The following ROR1 variants were observed in gnomAD, a reference collection of about 807,000 sequenced individuals.
ROR1 encodes the protein inactive tyrosine-protein kinase transmembrane receptor ROR1.
In ROR1, 19 loss-of-function variants were observed where a neutral mutation model predicts 78.8. That is an observed-to-expected ratio of 0.24 (90% CI 0.17 to 0.35). The LOEUF is 0.35. ROR1 is among the 10% of genes least tolerant of loss of function. The probability of loss-of-function intolerance (pLI) is 1.00; values close to 1 mark genes in which losing one functional copy is unlikely to be tolerated. For missense variants in ROR1, 917 were observed against 1,177.8 expected (o/e 0.78, Z 3.24); for synonymous variants, 386 against 433.6 (o/e 0.89, Z 1.36).
In ROR1 at chr1:64,159,083, G is replaced by A; in HGVS notation, c.1277G>A (p.Cys426Tyr). The A allele has an allele frequency of 6.2e-7, 1 of 1,614,100 alleles. No individual in the cohort carries two copies. The highest frequency in any genetic ancestry group is 8.5e-7 in the Non-Finnish European group (1 of 1,180,010). ...LAIALLFFFICVCRNNQKSSS... is the reference protein window; with the variant it reads ...LAIALLFFFIYVCRNNQKSSS... ...ATTGCTTTACTCTTCTTCTTCATTT[G>A]CGTCTGTCGGAATAACCAGAAGTCA... The change falls in exon 8 of 9, where the codon TGC (cysteine) becomes TAC (tyrosine). Residue 426 changes from cysteine (C) to tyrosine (Y), a missense_variant. By Grantham distance (194) the Cys-to-Tyr change is radical. Transcript: ENST00000371079.
At chr1:63,887,589 G>A (rs764721197) in intron 1 of ROR1, among the ~76,000 whole-genome samples, 6 of 152,098 alleles carry the variant, frequency 3.9e-5, no homozygotes, top group Non-Finnish European at 8.8e-5. Context: ...CTACCCAGAG[G>A]CAATCACTTT....
At chr1:64,054,841 G>T (rs1646861548) in intron 4 of ROR1, among the ~76,000 whole-genome samples, 1 of 152,042 alleles carries the variant, frequency 6.6e-6, no homozygotes, top group Admixed American at 6.6e-5. Context: ...GTGTTCATGG[G>T]GTTGGTTCTT....
chr1:64,078,088 G>A (rs1447303830), intron 4 of ROR1, among the ~76,000 whole-genome samples: 3 of 152,160 alleles, frequency 2.0e-5, no homozygotes, highest in East Asian at 1.9e-4. Flanking sequence ...TACATAAGGG[G>A]CCAATAATAA....
At chr1:64,080,367 GC>G (rs1647091152) in intron 4 of ROR1, among the ~76,000 whole-genome samples, 1 of 152,078 alleles carries the variant, frequency 6.6e-6, no homozygotes, top group Non-Finnish European at 1.5e-5. Flanking sequence ...CAAAGAATCA[GC>G]CAGCCCAAAA....
chr1:64,157,823 A>G (rs545505007), intron 7 of ROR1, among the ~76,000 whole-genome samples: 29 of 152,360 alleles, frequency 1.9e-4, no homozygotes, highest in African/African-American at 6.5e-4. Context: ...AGTACCTACA[A>G]TAGTGCCTGA....
At chr1:63,925,849 T>G (rs905181525) in intron 1 of ROR1, among the ~76,000 whole-genome samples, 1 of 151,638 alleles carries the variant, frequency 6.6e-6, no homozygotes, top group Non-Finnish European at 1.5e-5. Flanking sequence ...TCGCCCACTT[T>G]TTGATGGGGT....
At chr1:63,911,222 G>A (rs1209719242) in intron 1 of ROR1, among the ~76,000 whole-genome samples, 1 of 152,112 alleles carries the variant, frequency 6.6e-6, no homozygotes. Flanking sequence ...CATTTCTGTG[G>A]TGTGGCCTAA....
intron 1 of ROR1, among the ~76,000 whole-genome samples, chr1:63,811,514 C>T (rs901168782): frequency 6.6e-6 from 1 of 152,204 alleles, no homozygotes. Flanking sequence ...ATGTTGCAAG[C>T]TTCTGTGGGC....
intron 1 of ROR1, among the ~76,000 whole-genome samples, chr1:63,862,391 CAAAAAAAAAAAAAA>C (rs1164915396): frequency 1.8e-5 from 1 of 56,822 alleles, no homozygotes; most frequent in Non-Finnish European, 3.6e-5. Context: ...GAGACTGTCT[CAAAAAAAAAAAAAA>C]AAAAAAAAAG....
rs142373660 is a variant in ROR1 at position 63,919,214 on chromosome 1, C to T, written c.92-90091C>T. Reference sequence around the variant, plus strand: ...TGGGAAGGAGTGCATTATATTGACACATTGAGAAAAAAATTCCTTTTTGTT... The same window carrying T: ...TGGGAAGGAGTGCATTATATTGACATATTGAGAAAAAAATTCCTTTTTGTT... On this transcript the variant is annotated intron_variant, in intron 1 of 8. Transcript: ENST00000371079. Among the ~76,000 whole-genome samples, 763 of 152,166 alleles carry T rather than the reference C, an allele frequency of 5.0e-3. 11 individuals carry two copies. Among genetic ancestry groups the T allele is most frequent in the African/African-American group, 0.018 (737 of 41,532 alleles).
At chr1:64,094,935 C>CCTACTGA (rs1406581023) in intron 4 of ROR1, 1 of 152,198 alleles carries the variant, frequency 6.6e-6, no homozygotes, top group Non-Finnish European at 1.5e-5. Context: ...ACCAAACAAT[C>CCTACTGA]CTACTGACTA....
intron 1 of ROR1, among the ~76,000 whole-genome samples, chr1:63,919,777 G>C (rs117261903): frequency 6.6e-6 from 1 of 152,134 alleles, no homozygotes; most frequent in Non-Finnish European, 1.5e-5. Context: ...ATTTAGCACA[G>C]CTGTCAGCAC....
chr1:64,140,714 T>C (rs114627991), intron 6 of ROR1, among the ~76,000 whole-genome samples: 5 of 152,246 alleles, frequency 3.3e-5, no homozygotes, highest in African/African-American at 1.2e-4. Context: ...TCAAAAGAAC[T>C]GAAAACAGAT....
intron 1 of ROR1, among the ~76,000 whole-genome samples, chr1:63,915,199 T>C (rs1645599899): frequency 6.6e-6 from 1 of 152,212 alleles, no homozygotes; most frequent in Admixed American, 6.5e-5. Context: ...TAAACCCAGT[T>C]CTGACTCCAC....
chr1:64,040,008 A>C (rs925213597), intron 2 of ROR1, among the ~76,000 whole-genome samples: 1 of 152,212 alleles, frequency 6.6e-6, no homozygotes, highest in African/African-American at 2.4e-5. Flanking sequence ...ATAGTGAAGC[A>C]AAGTAATAGC....
At chr1:64,081,513 A>C (rs1225395770) in intron 4 of ROR1, among the ~76,000 whole-genome samples, 3 of 152,112 alleles carry the variant, frequency 2.0e-5, no homozygotes, top group Non-Finnish European at 4.4e-5. Flanking sequence ...TTGGTGGCTC[A>C]CACCTATAAT....
chr1:64,103,626 A>C (rs1446581176), intron 4 of ROR1, among the ~76,000 whole-genome samples: 1 of 152,190 alleles, frequency 6.6e-6, no homozygotes, highest in Non-Finnish European at 1.5e-5. Context: ...AATGTGAATG[A>C]CTTTCAAATG....
intron 4 of ROR1, among the ~76,000 whole-genome samples, chr1:64,103,014 A>G (rs1647625993): frequency 6.6e-6 from 1 of 152,166 alleles, no homozygotes; most frequent in Non-Finnish European, 1.5e-5. Context: ...GCCTGGTGTT[A>G]CTTACAAACT....
intron 1 of ROR1, among the ~76,000 whole-genome samples, chr1:63,839,850 A>G (rs1453088509): frequency 1.3e-5 from 2 of 151,972 alleles, no homozygotes; most frequent in African/African-American, 2.4e-5. Flanking sequence ...TTGGATATTT[A>G]GGGTATTTCA....
Sources: allele counts gnomAD v4.1 joint callset (sites outside exome capture counted in the v4.1 genomes callset), GRCh38; gene constraint gnomAD v4.1.1; transcripts MANE v1.5; gene names NCBI Gene and HGNC (gene_info 2026-07-23, HGNC 2026-07-21).